NRG3: variants seen among roughly 807,000 people sequenced by gnomAD.
NRG3 encodes the protein neuregulin 3.
Under a neutral mutation model 66.9 loss-of-function variants are expected in NRG3, and 31 were observed. The ratio of observed to expected loss-of-function variants is 0.46; its 90% CI spans 0.35 to 0.63. The LOEUF (loss-of-function observed/expected upper bound fraction) is 0.63. Among genes scored for constraint, NRG3 ranks in the 20% least tolerant of loss-of-function variants. The probability of loss-of-function intolerance (pLI) is 0.00; values close to 1 mark genes in which losing one functional copy is unlikely to be tolerated. For synonymous variants in NRG3, 393 were observed against 359.4 expected, an observed-to-expected ratio of 1.09 and a Z score of -1.06; for missense variants, 910 against 878.9, an observed-to-expected ratio of 1.04 and a Z score of -0.45.
intron 4 of NRG3, among the ~76,000 whole-genome samples, chr10:82,897,766 C>T (rs1424279942): frequency 3.9e-5 from 6 of 152,060 alleles, no homozygotes; most frequent in African/African-American, 7.2e-5. Flanking sequence ...GTGATCCACC[C>T]GCCTCAGCCT....
At chr10:82,439,251 A>C (rs1590134931) in intron 2 of NRG3, among the ~76,000 whole-genome samples, 1 of 152,278 alleles carries the variant, frequency 6.6e-6, no homozygotes, top group Non-Finnish European at 1.5e-5. Context: ...AAATTGTATT[A>C]AATGCATATA....
chr10:82,613,822 T>A (rs946052840), intron 2 of NRG3, among the ~76,000 whole-genome samples: 2 of 144,554 alleles, frequency 1.4e-5, no homozygotes, highest in Admixed American at 6.9e-5. Flanking sequence ...TATCTCCTAA[T>A]GCTATCCCTC....
At chr10:82,313,685 T>C (rs1253188366) in intron 1 of NRG3, among the ~76,000 whole-genome samples, 1 of 152,024 alleles carries the variant, frequency 6.6e-6, no homozygotes, top group Non-Finnish European at 1.5e-5. Context: ...GAATATGGGT[T>C]CTGGTTTCCA....
chr10:82,794,470 C>T (rs1472783790), intron 3 of NRG3, among the ~76,000 whole-genome samples: 1 of 152,062 alleles, frequency 6.6e-6, no homozygotes, highest in Non-Finnish European at 1.5e-5. Context: ...CTTATTCAGC[C>T]GAGCTGTGCA....
intron 2 of NRG3, among the ~76,000 whole-genome samples, chr10:82,670,656 G>C (rs188831651): frequency 6.6e-6 from 1 of 152,042 alleles, no homozygotes. Flanking sequence ...ATAATCTTCA[G>C]GACTCACAAA....
rs755233107 is a variant in NRG3 at position 82,951,430 on chromosome 10, C to T, written c.1055-39C>T. On this transcript the variant is annotated intron_variant, in intron 4 of 8. Transcript: ENST00000372141. ...GATGAAGATAGTTGCTGATGCACCC[C>T]GCTAGCATCCATTCTAATTTTGTTT... is the stretch of plus-strand genomic sequence containing the variant. 37 of 1,493,618 alleles carry T rather than the reference C, an allele frequency of 2.5e-5. No individual in the cohort carries two copies. The East Asian group carries it at 5.2e-4, about 21-fold the overall frequency. The allele number at this position is 1,493,618 out of a possible 1,614,324, so 92.5% of individuals were successfully genotyped here. A position where few individuals can be genotyped will look rare whatever the true frequency, so the allele number is the denominator to read the frequency against.
intron 3 of NRG3, among the ~76,000 whole-genome samples, chr10:82,786,677 G>A (rs1023224911): frequency 1.1e-4 from 17 of 152,144 alleles, no homozygotes; most frequent in Admixed American, 7.9e-4. Context: ...TTTATTTTGT[G>A]TGTGAGAATG....
intron 3 of NRG3, among the ~76,000 whole-genome samples, chr10:82,753,945 C>CAAAAAAAA (rs57793727): frequency 9.3e-6 from 1 of 108,002 alleles, no homozygotes; most frequent in Non-Finnish European, 2.0e-5. Flanking sequence ...GACTCCATCT[C>CAAAAAAAA]AAAAAAAAAA....
At chr10:82,792,282 AC>A (rs1236173617) in intron 3 of NRG3, among the ~76,000 whole-genome samples, 2 of 152,130 alleles carry the variant, frequency 1.3e-5, no homozygotes, top group Non-Finnish European at 2.9e-5. Flanking sequence ...ATCTGGAAGT[AC>A]TCTTCTTCAT....
In NRG3 at chr10:82,507,151, G is replaced by A. The variant is rs540057776; in HGVS notation, c.953+148283G>A. Among the ~76,000 whole-genome samples, 13 of 152,306 alleles carry A rather than the reference G, an allele frequency of 8.5e-5. No individual in the cohort carries two copies. In the East Asian group the frequency reaches 2.3e-3, roughly 27 times the overall value. On this transcript the variant is annotated intron_variant, in intron 2 of 8. Transcript: ENST00000372141. ...TGTATAATGATTTCAAGCCATGCTG[G>A]GCCCTGACAGCTGAGGGAGGAACAG...
intron 2 of NRG3, among the ~76,000 whole-genome samples, chr10:82,703,811 T>C (rs1271154647): frequency 6.6e-6 from 1 of 152,144 alleles, no homozygotes; most frequent in Non-Finnish European, 1.5e-5. Context: ...GACCTTCTTT[T>C]TGGTCCTGGT....
rs973194639 is a variant in NRG3, at chr10:82,055,206, C to T, written c.823+179043C>T. 2.6e-5 allele frequency among the ~76,000 whole-genome samples: 4 copies of T among 151,916 alleles called. No homozygotes were observed. In the East Asian group the frequency reaches 5.8e-4, roughly 22 times the overall value. ...GAAAAAAGAAAAAAGAAGCCGAGCG[C>T]GGTGGCTCACTCCTGTAATCCCAGC... On this transcript the variant is annotated intron_variant, in intron 1 of 8. Transcript: ENST00000372141.
chr10:81,937,866 A>G (rs764196505), intron 1 of NRG3, among the ~76,000 whole-genome samples: 1 of 152,128 alleles, frequency 6.6e-6, no homozygotes, highest in Admixed American at 6.6e-5. Flanking sequence ...GTAGTTTTAT[A>G]GTTTCTGGGC....
chr10:82,087,033 C>T (rs748060692), intron 1 of NRG3, among the ~76,000 whole-genome samples: 3 of 152,058 alleles, frequency 2.0e-5, no homozygotes, highest in African/African-American at 4.8e-5. Flanking sequence ...GTGAACTTTA[C>T]AAGATAAATA....
chr10:82,726,700 C>T (rs113670664), intron 2 of NRG3, among the ~76,000 whole-genome samples: 13,304 of 151,956 alleles, frequency 0.088, 711 homozygotes, highest in Middle Eastern at 0.19. Context: ...ACCAGTAGAG[C>T]GGGACCCTGC....
intron 1 of NRG3, among the ~76,000 whole-genome samples, chr10:82,236,781 T>C (rs1786167666): frequency 1.4e-5 from 2 of 142,474 alleles, no homozygotes; most frequent in South Asian, 4.6e-4. Context: ...AGTGGTGCGA[T>C]CTCCGCCTAC....
At chr10:82,699,752 G>A (rs1254605720) in intron 2 of NRG3, among the ~76,000 whole-genome samples, 1 of 151,838 alleles carries the variant, frequency 6.6e-6, no homozygotes, top group African/African-American at 2.4e-5. Context: ...ATGGTCCATG[G>A]CCCCAGTAAG....
chr10:82,019,770 G>A (rs376864624), intron 1 of NRG3, among the ~76,000 whole-genome samples: 5 of 152,186 alleles, frequency 3.3e-5, no homozygotes, highest in Non-Finnish European at 7.4e-5. Context: ...ATTTCTGTGG[G>A]ATCGGTGGTG....
At chr10:82,693,450 AC>A (rs1318047911) in intron 2 of NRG3, among the ~76,000 whole-genome samples, 3 of 152,210 alleles carry the variant, frequency 2.0e-5, no homozygotes, top group Non-Finnish European at 2.9e-5. Flanking sequence ...CCTGAAGAGC[AC>A]TGGCACTGGA....
Sources: gnomAD v4.1 joint callset for allele counts (sites outside exome capture counted in the v4.1 genomes callset) on GRCh38, gnomAD v4.1.1 for gene constraint, MANE v1.5 for transcripts, NCBI Gene and HGNC (gene_info 2026-07-23, HGNC 2026-07-21) for gene names.